The following CAMKK1 variants were observed in gnomAD, a reference collection of about 807,000 sequenced individuals.
The protein encoded by CAMKK1 is calcium/calmodulin-dependent protein kinase kinase 1.
A neutral mutation model predicts 63.5 loss-of-function variants in CAMKK1; 20 were observed. The observed-to-expected ratio is 0.32, with a 90% CI of 0.22 to 0.46. The LOEUF (loss-of-function observed/expected upper bound fraction) is 0.46. Ranked by LOEUF, CAMKK1 falls within the 20% of genes least tolerant of loss-of-function variation. CAMKK1 has a pLI of 1.00. For missense variants in CAMKK1, 588 were observed against 658.1 expected, an observed-to-expected ratio of 0.89 and a Z score of 1.17; for synonymous variants, 253 against 269.0, an observed-to-expected ratio of 0.94 and a Z score of 0.58.
chr17:3,866,164 G>T (rs1368789163), intron 14 of CAMKK1, among the ~76,000 whole-genome samples, 153 bp from the exon 15 acceptor site: 3 of 152,216 alleles, frequency 2.0e-5, no homozygotes, highest in African/African-American at 7.2e-5. Flanking sequence ...AAGAACACGG[G>T]GCGCTGGCAG....
In CAMKK1 at chr17:3,887,305, G is replaced by A. The variant is rs374184867; in HGVS notation, c.-43-1575C>T. On this transcript the variant is annotated intron_variant, in intron 1 of 15. Transcript: ENST00000348335. This position sits in a 1 kb window ranked among gnomAD's most constrained non-coding sequence, Gnocchi z 6.1. ...GGTGAGGTCCAGACCCCCTGTGCCCGGTACGCAGTGTGTTGAATGAGTAGA... is the reference window on the plus strand; with the variant it reads ...GGTGAGGTCCAGACCCCCTGTGCCCAGTACGCAGTGTGTTGAATGAGTAGA... Among the ~76,000 whole-genome samples, 11 of 152,322 alleles carry A rather than the reference G, an allele frequency of 7.2e-5. No homozygotes were observed. In the East Asian group the frequency reaches 7.7e-4, roughly 11 times the overall value.
At position 3,882,702 on chromosome 17, in the gene CAMKK1, G is replaced by C. The variant is rs1262166559; in HGVS notation, c.649-138C>G. On this transcript the variant is annotated intron_variant, in intron 6 of 15. Coordinates refer to ENST00000348335, the MANE Select transcript of CAMKK1 (RefSeq NM_032294.3). The surrounding 1 kb of genome is among the most constrained non-coding windows in gnomAD (Gnocchi z 4.3). ...CAGACAAGGAAGCAGGAAGTGTACA[G>C]GTGGTGCCAGACTGATGGGGCCTCA... The C allele has an allele frequency of 8.2e-6, 7 of 851,526 alleles. No homozygotes were observed. The African/African-American group carries it at 1.2e-4, about 14-fold the overall frequency. The allele number at this position is 851,526 out of a possible 1,614,324, so 52.7% of individuals were successfully genotyped here. A position where few individuals can be genotyped will look rare whatever the true frequency, so the allele number is the denominator to read the frequency against.
rs2054317156 is a variant in CAMKK1, at chr17:3,860,939, G to A, written c.*1272C>T. ...AGCCCTTGTCCATCCATGTTTCCAG[G>A]GCAGTGTCCGAGTCCTGCGTGACCC... On this transcript the variant is annotated 3_prime_UTR_variant, in exon 16 of 16. Transcript: ENST00000348335. 1 of 152,238 alleles carries A rather than the reference G, an allele frequency of 6.6e-6. No homozygotes were observed. Among genetic ancestry groups the A allele is most frequent in the African/African-American group, 2.4e-5 (1 of 41,432 alleles). 9.4% of individuals were successfully genotyped at this position (152,238 alleles called of 1,614,324 possible).
chr17:3,869,500 C>G lies in CAMKK1; in HGVS notation c.1328G>C (p.Ser443Thr), dbSNP rs370703462. Residue 443 changes from serine to threonine, a missense_variant, in exon 14 of 16, where the codon AGC becomes ACC. Around this residue, in one of 3 missense-constraint regions of CAMKK1, gnomAD observed 226 missense variants for 229.2 expected, o/e 0.99. Coordinates refer to ENST00000348335, the MANE Select transcript of CAMKK1 (RefSeq NM_032294.3). ...EVKNSVRLIP[S>T]WTTVILVKSM... ...CGGCTCTCTTACCACCGTGGTCCAGCTGGGGATGAGCCTGACTGAGTTCTT... is the reference window on the plus strand; with the variant it reads ...CGGCTCTCTTACCACCGTGGTCCAGGTGGGGATGAGCCTGACTGAGTTCTT... The G allele has an allele frequency of 1.7e-5, 27 of 1,614,102 alleles. No individual in the cohort carries two copies. The highest frequency in any genetic ancestry group is 4.5e-5 in the East Asian group (2 of 44,878).
At chr17:3,874,276 A>G (rs2055040131) in intron 10 of CAMKK1, among the ~76,000 whole-genome samples, 1 of 152,250 alleles carries the variant, frequency 6.6e-6, no homozygotes. Flanking sequence ...GAATGCAGCA[A>G]GTGGTCCTCG....
At chr17:3,869,307 G>A (rs570007522) in intron 14 of CAMKK1, among the ~76,000 whole-genome samples, 180 bp downstream of exon 14, 2 of 152,264 alleles carry the variant, frequency 1.3e-5, no homozygotes, top group African/African-American at 4.8e-5. Context: ...AAGCCTCCTG[G>A]TCTCCCGACC....
At position 3,865,903 on chromosome 17, in the gene CAMKK1, C is replaced by G. The variant is rs1426754135; in HGVS notation, c.1445+5G>C. 2 of 1,614,162 alleles carry G rather than the reference C, an allele frequency of 1.2e-6. No homozygotes were observed. Among genetic ancestry groups the G allele is most frequent in the Non-Finnish European group, 1.7e-6 (2 of 1,180,040 alleles). On this transcript the variant is annotated splice_donor_5th_base_variant and intron_variant, in intron 15 of 15. Coordinates refer to ENST00000348335, the MANE Select transcript of CAMKK1 (RefSeq NM_032294.3). ...CCCGGCAGTCCCTGGCCCACCAGTACTTACACCAGTAGGTTTCCTGGAGCA... is the reference window on the plus strand; with the variant it reads ...CCCGGCAGTCCCTGGCCCACCAGTAGTTACACCAGTAGGTTTCCTGGAGCA...
In CAMKK1 at chr17:3,871,347, G is replaced by GTTTTTTTTTTTTTTTTTTTTTTTTTTTTT. The variant is rs869219931; in HGVS notation, c.1124+1206_1124+1207insAAAAAAAAAAAAAAAAAAAAAAAAAAAAA. The stretch of plus-strand genomic sequence containing the variant: ...TGTTGTTTTTTGTTTTTTTTTTTTT[G>GTTTTTTTTTTTTTTTTTTTTTTTTTTTTT]TTTTTTTTTTTTTTTTTTTTTTTTT... On this transcript the variant is annotated intron_variant, in intron 12 of 15. Coordinates refer to ENST00000348335, the MANE Select transcript of CAMKK1 (RefSeq NM_032294.3). 2.5e-4 allele frequency among the ~76,000 whole-genome samples: 26 copies of GTTTTTTTTTTTTTTTTTTTTTTTTTTTTT among 104,368 alleles called. 1 individual carries two copies. The highest frequency in any genetic ancestry group is 4.4e-4 in the Non-Finnish European group (23 of 52,814). 68.5% of individuals were successfully genotyped at this position (104,368 alleles called of 152,430 possible).
At position 3,862,459 on chromosome 17, in the gene CAMKK1, C is replaced by T. The variant is rs1456751119; in HGVS notation, c.1446-176G>A. Among the ~76,000 whole-genome samples the T allele has an allele frequency of 2.6e-5, 4 of 152,138 alleles. No homozygotes were observed. The highest frequency in any genetic ancestry group is 6.6e-5 in the Admixed American group (1 of 15,264). On this transcript the variant is annotated intron_variant, in intron 15 of 15. Coordinates refer to ENST00000348335, the MANE Select transcript of CAMKK1 (RefSeq NM_032294.3). The surrounding 1 kb of genome is among the most constrained non-coding windows in gnomAD (Gnocchi z 4.1). ...CTACATCACGGCAGTTGCTCCTTGC[C>T]GGTCTCTCAGCCCCCAGTCTCAGCC...
chr17:3,881,460 T>C (rs980177497), intron 8 of CAMKK1, among the ~76,000 whole-genome samples, 167 bp downstream of exon 8: 1 of 152,154 alleles, frequency 6.6e-6, no homozygotes, highest in Non-Finnish European at 1.5e-5. Flanking sequence ...CTGACCCCCA[T>C]CAGCCTTCAA....
At position 3,882,388 on chromosome 17, in the gene CAMKK1, G is replaced by C. The variant is rs1373083086; in HGVS notation, c.685+140C>G. On this transcript the variant is annotated intron_variant, in intron 7 of 15. Coordinates refer to ENST00000348335, the MANE Select transcript of CAMKK1 (RefSeq NM_032294.3). This position sits in a 1 kb window ranked among gnomAD's most constrained non-coding sequence, Gnocchi z 4.3. ...CTGCAGGGCTGGGCAAGGGAATCCA[G>C]GGCTTCAGAACGTGTGTTTTTCTTC... The C allele has an allele frequency of 3.1e-6, 5 of 1,603,914 alleles. No individual in the cohort carries two copies. The South Asian group carries it at 5.5e-5, about 18-fold the overall frequency.
rs2055808373 is a variant in CAMKK1, at chr17:3,889,552, C to T, written c.-44+3387G>A. Among the ~76,000 whole-genome samples, 1 of 152,044 alleles carries T rather than the reference C, an allele frequency of 6.6e-6. No homozygotes were observed. The highest frequency in any genetic ancestry group is 6.5e-5 in the Admixed American group (1 of 15,272). On this transcript the variant is annotated intron_variant, in intron 1 of 15. Coordinates refer to ENST00000348335, the MANE Select transcript of CAMKK1 (RefSeq NM_032294.3). The surrounding 1 kb of genome is among the most constrained non-coding windows in gnomAD (Gnocchi z 5.2). Reference sequence around the variant, plus strand: ...CAGAAGGCCACTGTCCTGCCAACTCCCAGGGCGATGGAAGGAACAGAATGA... The same window carrying T: ...CAGAAGGCCACTGTCCTGCCAACTCTCAGGGCGATGGAAGGAACAGAATGA...
Position 3,880,274 on chromosome 17 carries a change from G to A in CAMKK1, c.796+72C>T, listed in dbSNP as rs1050483211. The A allele has an allele frequency of 1.1e-5, 15 of 1,307,806 alleles. No individual in the cohort carries two copies. In the Admixed American group the frequency reaches 2.1e-4, roughly 19 times the overall value. The allele number at this position is 1,307,806 out of a possible 1,614,324, so 81.0% of individuals were successfully genotyped here. On this transcript the variant is annotated intron_variant, in intron 9 of 15. Coordinates refer to ENST00000348335, the MANE Select transcript of CAMKK1 (RefSeq NM_032294.3). ...GACTGACGGGAGCTGCTCAGAGTCTGCTCAGCCTGGGCTCTGCCGCCTGCC... is the reference window on the plus strand; with the variant it reads ...GACTGACGGGAGCTGCTCAGAGTCTACTCAGCCTGGGCTCTGCCGCCTGCC...
At position 3,862,541 on chromosome 17, in the gene CAMKK1, G is replaced by A. The variant is rs116052242; in HGVS notation, c.1446-258C>T. ...AGATGAAGTCTAAACCTCCCAGCAC[G>A]GCCTCTGGAGCTGCTCACAGTCTGA... On this transcript the variant is annotated intron_variant, in intron 15 of 15. Transcript: ENST00000348335. This position sits in a 1 kb window ranked among gnomAD's most constrained non-coding sequence, Gnocchi z 4.1. Among the ~76,000 whole-genome samples, 625 of 152,258 alleles carry A rather than the reference G, an allele frequency of 4.1e-3. 4 individuals carry two copies. Among genetic ancestry groups the A allele is most frequent in the African/African-American group, 0.013 (556 of 41,546 alleles).
rs1597501874 is a variant in CAMKK1 at position 3,892,844 on chromosome 17, A to AG, written c.-44+94dup. ...AGCTCCCTCGTAGACGCGGCCTGGC[A>AG]GACCCCCCCCGCCTCTCCCTTGCAG... On this transcript the variant is annotated intron_variant, in intron 1 of 15. Coordinates refer to ENST00000348335, the MANE Select transcript of CAMKK1 (RefSeq NM_032294.3). This position sits in a 1 kb window ranked among gnomAD's most constrained non-coding sequence, Gnocchi z 7.5. 1 of 60,948 alleles carries AG rather than the reference A, an allele frequency of 1.6e-5. No individual in the cohort carries two copies. The highest frequency in any genetic ancestry group is 5.4e-4 in the East Asian group (1 of 1,856). 3.8% of individuals were successfully genotyped at this position (60,948 alleles called of 1,614,324 possible). A position where few individuals can be genotyped will look rare whatever the true frequency, so the allele number is the denominator to read the frequency against.
rs763329620 is a variant in CAMKK1, at chr17:3,884,440, A to G, written c.361-13T>C. 3.8e-5 allele frequency: 61 copies of G among 1,612,462 alleles called. No individual in the cohort carries two copies. The highest frequency in any genetic ancestry group is 5.1e-6 in the Non-Finnish European group (6 of 1,179,238). Reference sequence around the variant, plus strand: ...GCTGCACGCAGTCCTGTGGGGGAAGAGCGAGCACCAGGTGGAGCTGGGTCC... The same window carrying G: ...GCTGCACGCAGTCCTGTGGGGGAAGGGCGAGCACCAGGTGGAGCTGGGTCC... On this transcript the variant is annotated splice_polypyrimidine_tract_variant and intron_variant, in intron 2 of 15. Transcript: ENST00000348335. The surrounding 1 kb of genome is among the most constrained non-coding windows in gnomAD (Gnocchi z 4.5).
intron 1 of CAMKK1, among the ~76,000 whole-genome samples, chr17:3,888,956 C>T (rs576727422): frequency 2.0e-5 from 3 of 151,898 alleles, no homozygotes; most frequent in African/African-American, 2.4e-5. Flanking sequence ...CACACAGGAG[C>T]GCACTGCATG....
Position 3,890,708 on chromosome 17 carries a change from C to T in CAMKK1, c.-44+2231G>A, listed in dbSNP as rs758233647. 1 of 779,840 alleles carries T rather than the reference C, an allele frequency of 1.3e-6. No individual in the cohort carries two copies. Among genetic ancestry groups the T allele is most frequent in the South Asian group, 1.3e-5 (1 of 74,620 alleles). The allele number at this position is 779,840 out of a possible 1,614,324, so 48.3% of individuals were successfully genotyped here. Reference sequence around the variant, plus strand: ...CCACACTTACTCTCCACTGCAGCCACACCACAGCTTCCCAAATTGCATACT... The same window carrying T: ...CCACACTTACTCTCCACTGCAGCCATACCACAGCTTCCCAAATTGCATACT... On this transcript the variant is annotated intron_variant, in intron 1 of 15. Transcript: ENST00000348335. This position sits in a 1 kb window ranked among gnomAD's most constrained non-coding sequence, Gnocchi z 6.5.
chr17:3,874,514 G>A (rs1232840164), intron 10 of CAMKK1, among the ~76,000 whole-genome samples: 4 of 151,880 alleles, frequency 2.6e-5, no homozygotes, highest in Admixed American at 2.0e-4. Context: ...TGGAATTACA[G>A]GTGCCTGCCA....
Sources: allele counts gnomAD v4.1 joint callset (sites outside exome capture counted in the v4.1 genomes callset), GRCh38; gene constraint gnomAD v4.1.1; regional missense constraint gnomAD v4.1.1; non-coding constraint Gnocchi (gnomAD v3.1); transcripts MANE v1.5; gene names NCBI Gene and HGNC (gene_info 2026-07-23, HGNC 2026-07-21).